Variants in ENPP2 observed in about 807,000 individuals in gnomAD.
ENPP2 encodes the protein ectonucleotide pyrophosphatase/phosphodiesterase 2.
ENPP2 carries 51 observed loss-of-function variants against 120.2 expected under a neutral mutation model. The ratio of observed to expected loss-of-function variants is 0.42; its 90% CI spans 0.34 to 0.54. ENPP2 has a LOEUF of 0.54. ENPP2 is among the 20% of genes least tolerant of loss of function. ENPP2 has a pLI of 0.04. For missense variants in ENPP2, 920 were observed against 1,066.5 expected (o/e 0.86, Z 1.91); for synonymous variants, 365 against 366.4 (o/e 1.00, Z 0.04).
At position 119,608,692 on chromosome 8, in the gene ENPP2, C is replaced by T. The variant is rs935531031; in HGVS notation, c.778-715G>A. On this transcript the variant is annotated intron_variant, in intron 8 of 24. Coordinates refer to ENST00000075322, the MANE Select transcript of ENPP2 (RefSeq NM_001040092.3). ...TTTTAAGCCTTGTTTCTGTCACTTACCAGCCATGTAGTCCTTTGGCAAGTT... is the reference window on the plus strand; with the variant it reads ...TTTTAAGCCTTGTTTCTGTCACTTATCAGCCATGTAGTCCTTTGGCAAGTT... Among the ~76,000 whole-genome samples the T allele has an allele frequency of 5.3e-5, 8 of 152,152 alleles. No homozygotes were observed. The South Asian group carries it at 1.2e-3, about 24-fold the overall frequency.
chr8:119,607,898 A>G (rs768047070), intron 9 of ENPP2, 24 bp downstream of exon 9: 3 of 1,482,272 alleles, frequency 2.0e-6, no homozygotes, highest in East Asian at 2.3e-5. Context: ...TTTTATAAAC[A>G]TTGACAAAAT....
intron 12 of ENPP2, among the ~76,000 whole-genome samples, chr8:119,592,588 C>T (rs781215791): frequency 3.0e-4 from 44 of 145,192 alleles, no homozygotes; most frequent in Middle Eastern, 3.5e-3. Context: ...TTTAACCTAT[C>T]CATGACCTTT....
chr8:119,670,933 G>A lies in ENPP2; in HGVS notation c.21+2319C>T, dbSNP rs145231646. 7.7e-3 allele frequency among the ~76,000 whole-genome samples: 1,174 copies of A among 152,154 alleles called. 18 individuals are homozygous for A. The highest frequency in any genetic ancestry group is 0.027 in the African/African-American group (1,113 of 41,514). On this transcript the variant is annotated intron_variant, in intron 1 of 25. Coordinates refer to the ENPP2 transcript ENST00000427067. ...ATTATTCTTGAAAGAAAATAAAAAT[G>A]GGAATCTGCTGAAGACTTTTCCAAA...
At chr8:119,608,322 A>C (rs1408663673) in intron 8 of ENPP2, among the ~76,000 whole-genome samples, 1 of 152,186 alleles carries the variant, frequency 6.6e-6, no homozygotes, top group Non-Finnish European at 1.5e-5. Context: ...CTGCTCATCA[A>C]AGGACCCAAG....
At chr8:119,629,040 C>T (rs1816473214) in intron 2 of ENPP2, among the ~76,000 whole-genome samples, 1 of 151,962 alleles carries the variant, frequency 6.6e-6, no homozygotes, top group African/African-American at 2.4e-5. Context: ...ATATAAATAC[C>T]ATACAATATA....
chr8:119,559,933 A>T (rs2129874727), intron 24 of ENPP2, among the ~76,000 whole-genome samples: 1 of 152,196 alleles, frequency 6.6e-6, no homozygotes, highest in South Asian at 2.1e-4. Context: ...CTGGCCACGA[A>T]CTCTACAAGA....
In ENPP2 at chr8:119,564,529, T is replaced by C. The variant is rs949339952; in HGVS notation, c.2264+294A>G. Among the ~76,000 whole-genome samples the C allele has an allele frequency of 2.0e-5, 3 of 151,690 alleles. No individual in the cohort carries two copies. In the South Asian group the frequency reaches 6.2e-4, roughly 32 times the overall value. On this transcript the variant is annotated intron_variant, in intron 23 of 24. Coordinates refer to ENST00000075322, the MANE Select transcript of ENPP2 (RefSeq NM_001040092.3). ...CCCGTCTCTGCTAAAAATACAAAAA[T>C]TAGCTGGATGTGGTGGTGCATGCCT... is the stretch of plus-strand genomic sequence containing the variant.
chr8:119,572,729 T>C (rs1023633411), intron 19 of ENPP2: 1 of 157,952 alleles, frequency 6.3e-6, no homozygotes, highest in Non-Finnish European at 1.4e-5. Context: ...CCTTGCGCTG[T>C]AGAATGGAGG....
At chr8:119,588,505 G>C (rs7007883) in intron 13 of ENPP2, among the ~76,000 whole-genome samples, 1 of 144,822 alleles carries the variant, frequency 6.9e-6, no homozygotes, top group Non-Finnish European at 1.5e-5. Context: ...CTCCAGCCTG[G>C]GCGACAGAAC....
Position 119,583,809 on chromosome 8 carries a change from CA to C in ENPP2, c.1456-6del. The C allele has an allele frequency of 6.4e-7, 1 of 1,571,546 alleles. No homozygotes were observed. The highest frequency in any genetic ancestry group is 8.7e-7 in the Non-Finnish European group (1 of 1,146,874). On this transcript the variant is annotated splice_polypyrimidine_tract_variant and splice_region_variant and intron_variant, in intron 16 of 24. Coordinates refer to ENST00000075322, the MANE Select transcript of ENPP2 (RefSeq NM_001040092.3). ...GCCATAACCTACAAAAACAGTCTTC[CA>C]AAAGAAAAGAAAAACAAAAACAGTT... is the stretch of plus-strand genomic sequence containing the variant.
intron 1 of ENPP2, among the ~76,000 whole-genome samples, chr8:119,653,303 G>A (rs149310257): frequency 2.0e-4 from 30 of 152,318 alleles, no homozygotes; most frequent in African/African-American, 7.2e-4. Flanking sequence ...CATTGAGGAT[G>A]CAGCCTCTGC....
chr8:119,574,781 C>A (rs987137865), intron 19 of ENPP2, among the ~76,000 whole-genome samples: 3 of 152,142 alleles, frequency 2.0e-5, no homozygotes, highest in African/African-American at 7.2e-5. Flanking sequence ...ACCACAAAAT[C>A]TCTACCCAAG....
chr8:119,562,716 TTC>T, intron 24 of ENPP2, 139 bp downstream of exon 24: 1 of 788,394 alleles, frequency 1.3e-6, no homozygotes. Flanking sequence ...TTAAGCAAAG[TTC>T]TGTTTGGTTC....
rs751095963 is a variant in ENPP2 at position 119,590,636 on chromosome 8, G to C, written c.1082-6C>G. On this transcript the variant is annotated splice_polypyrimidine_tract_variant and splice_region_variant and intron_variant, in intron 12 of 24. Coordinates refer to ENST00000075322, the MANE Select transcript of ENPP2 (RefSeq NM_001040092.3). ...ACATGTGACATCTTCCATTCCTATG[G>C]GGAGGGAGAAAAAGAATATTTTCAG... 5 of 1,481,384 alleles carry C rather than the reference G, an allele frequency of 3.4e-6. No individual in the cohort carries two copies. The African/African-American group carries it at 4.4e-5, about 13-fold the overall frequency. The allele number at this position is 1,481,384 out of a possible 1,614,324, so 91.8% of individuals were successfully genotyped here. A position where few individuals can be genotyped will look rare whatever the true frequency, so the allele number is the denominator to read the frequency against.
intron 13 of ENPP2, among the ~76,000 whole-genome samples, chr8:119,589,250 C>A (rs1294749273): frequency 6.6e-6 from 1 of 152,162 alleles, no homozygotes; most frequent in African/African-American, 2.4e-5. Context: ...AGGTACAGGG[C>A]GTCACATGGT....
chr8:119,610,121 T>C (rs1814993157), intron 8 of ENPP2, among the ~76,000 whole-genome samples: 1 of 152,206 alleles, frequency 6.6e-6, no homozygotes, highest in Admixed American at 6.5e-5. Flanking sequence ...CTTTATATTT[T>C]TCTGTACTTT....
chr8:119,619,271 T>C lies in ENPP2; in HGVS notation c.452A>G (p.Glu151Gly). The C allele has an allele frequency of 6.2e-7, 1 of 1,613,044 alleles. No individual in the cohort carries two copies. Among genetic ancestry groups the C allele is most frequent in the Non-Finnish European group, 8.5e-7 (1 of 1,179,118 alleles). ...TGCAGGGCATTCTGCGGCCTTTATT[T>C]CCTCACAGTCATCATCAACCCAATG... is the stretch of plus-strand genomic sequence containing the variant. ...ESHWVDDDCEEIKAAECPAGF... is the reference protein window; with the variant it reads ...ESHWVDDDCEGIKAAECPAGF... Residue 151 changes from glutamate to glycine, a missense_variant, in exon 5 of 25, where the codon GAA (glutamate) becomes GGA (glycine). Physicochemically the swap from Glu to Gly is moderately conservative, Grantham distance 98 (BLOSUM62 -2). Transcript: ENST00000075322.
intron 1 of ENPP2, among the ~76,000 whole-genome samples, chr8:119,656,950 T>C (rs1416524457): frequency 1.3e-5 from 2 of 152,176 alleles, no homozygotes; most frequent in Non-Finnish European, 2.9e-5. Flanking sequence ...TTTTTTGAGA[T>C]GGAGTCTCAT....
intron 1 of ENPP2, among the ~76,000 whole-genome samples, chr8:119,660,455 A>G (rs1817889177): frequency 6.6e-6 from 1 of 152,202 alleles, no homozygotes; most frequent in Non-Finnish European, 1.5e-5. Flanking sequence ...ACACCATACC[A>G]TCTGTCTTGT....
Sources: gnomAD v4.1 joint callset for allele counts (sites outside exome capture counted in the v4.1 genomes callset) on GRCh38, gnomAD v4.1.1 for gene constraint, MANE v1.5 for transcripts, NCBI Gene and HGNC (gene_info 2026-07-23, HGNC 2026-07-21) for gene names.